The following GNL2 variants were observed in gnomAD, a reference collection of about 807,000 sequenced individuals.
GNL2 encodes G protein nucleolar 2.
A neutral mutation model predicts 92.3 loss-of-function variants in GNL2; 51 were observed. That is an observed-to-expected ratio of 0.55 (90% confidence interval 0.44 to 0.70). GNL2 has a LOEUF of 0.70. Ranked by LOEUF, GNL2 falls within the 30% of genes least tolerant of loss-of-function variation. The probability of loss-of-function intolerance (pLI) is 0.00; values close to 1 mark genes in which losing one functional copy is unlikely to be tolerated. For missense variants in GNL2, 844 were observed against 895.6 expected, an observed-to-expected ratio of 0.94 and a Z score of 0.74; for synonymous variants, 283 against 300.6, an observed-to-expected ratio of 0.94 and a Z score of 0.61.
In GNL2 at chr1:37,568,930, T is replaced by C. The variant is rs1392358272; in HGVS notation, c.1789A>G (p.Ile597Val). The C allele has an allele frequency of 1.9e-6, 3 of 1,614,244 alleles. No homozygotes were observed. Among genetic ancestry groups the C allele is most frequent in the East Asian group, 2.2e-5 (1 of 44,890 alleles). The change falls in exon 13 of 16, where the codon ATT (isoleucine) becomes GTT (valine). Residue 597 changes from isoleucine to valine, a missense_variant. Transcript: ENST00000373062. Reference sequence around the variant, plus strand: ...GCAATCTTCTCATCCAGTGCTTTAATAACGGCTTTGGTGTCGTTTCCCACA... The same window carrying C: ...GCAATCTTCTCATCCAGTGCTTTAACAACGGCTTTGGTGTCGTTTCCCACA... ...ENVGNDTKAVIKALDEKIAKY... is the reference protein window; with the variant it reads ...ENVGNDTKAVVKALDEKIAKY...
Position 37,582,838 on chromosome 1 carries a change from T to A in GNL2, c.735A>T (p.Lys245Asn), listed in dbSNP as rs1303669933. 6.2e-7 allele frequency: 1 copy of A among 1,613,734 alleles called. No individual in the cohort carries two copies. The highest frequency in any genetic ancestry group is 1.1e-5 in the South Asian group (1 of 91,060). The part of the protein sequence containing the change: ...PHIETYLKKE[K>N]PWKHLIFVLN... ...GTACAAAAATGAGGTGTTTCCAAGG[T>A]TTTTCCTTCTTCAGGTAAGTTTCAA... Residue 245 changes from lysine (K) to asparagine (N), a missense_variant, in exon 7 of 16, where the codon AAA (lysine) becomes AAT (asparagine). Transcript: ENST00000373062.
At position 37,566,975 on chromosome 1, in the gene GNL2, T is replaced by C. The variant is rs770605171; in HGVS notation, c.2076A>G (p.Lys692=). ...RRRAVRQQRP[K]KVGVRYYETH... The stretch of plus-strand genomic sequence containing the variant: ...TTTCATAGTAGCGCACACCAACTTT[T>C]TTCGGCCGTTGCTGTCGTACTGCTC... The change falls in exon 16 of 16, where the codon AAA becomes AAG. Residue 692 remains lysine, a synonymous_variant. Coordinates refer to ENST00000373062, the MANE Select transcript of GNL2 (RefSeq NM_013285.3). The C allele has an allele frequency of 1.2e-6, 2 of 1,614,126 alleles. No homozygotes were observed. Among genetic ancestry groups the C allele is most frequent in the Non-Finnish European group, 8.5e-7 (1 of 1,180,002 alleles).
chr1:37,582,262 G>A lies in GNL2; in HGVS notation c.870C>T (p.Gly290=), dbSNP rs1194019321. 1 of 1,612,718 alleles carries A rather than the reference G, an allele frequency of 6.2e-7. No homozygotes were observed. Among genetic ancestry groups the A allele is most frequent in the African/African-American group, 1.3e-5 (1 of 74,870 alleles). ...GCAGAAGCTGAATGAATGCTCCCTT[G>A]CCAAACGGGTTAGTAAGGCTTGCAT... is the stretch of plus-strand genomic sequence containing the variant. ...AFHASLTNPF[G]KGAFIQLLRQ... Residue 290 remains glycine (G), a synonymous_variant, in exon 8 of 16, where the codon GGC becomes GGT. Coordinates refer to ENST00000373062, the MANE Select transcript of GNL2 (RefSeq NM_013285.3).
intron 6 of GNL2, chr1:37,583,184 C>T (rs1315990967): frequency 3.3e-6 from 1 of 304,184 alleles, no homozygotes; most frequent in Non-Finnish European, 6.0e-6. Context: ...CAACTTATTT[C>T]CTAACTACTA....
intron 6 of GNL2, 104 bp downstream of exon 6, chr1:37,583,763 T>C: frequency 1.3e-6 from 1 of 750,202 alleles, no homozygotes; most frequent in Middle Eastern, 2.4e-4. Flanking sequence ...CAGTGGTGCC[T>C]GTACTCTGCG....
chr1:37,580,808 G>A (rs1377328959), intron 8 of GNL2, among the ~76,000 whole-genome samples: 5 of 152,164 alleles, frequency 3.3e-5, no homozygotes, highest in East Asian at 3.9e-4. Flanking sequence ...TAACACTAGC[G>A]AAAATAAAAG....
intron 1 of GNL2, among the ~76,000 whole-genome samples, chr1:37,594,988 C>T (rs959943215): frequency 6.6e-6 from 1 of 152,220 alleles, no homozygotes; most frequent in Non-Finnish European, 1.5e-5. Context: ...TATGACAGGC[C>T]ACTTCCTGTA....
At chr1:37,587,517 A>C (rs1557644125) in intron 4 of GNL2, 22 bp from the exon 5 acceptor site, 4 of 1,531,250 alleles carry the variant, frequency 2.6e-6, no homozygotes, top group Non-Finnish European at 3.6e-6. Flanking sequence ...GGAGAATAAC[A>C]GGTAAAACTA....
intron 3 of GNL2, among the ~76,000 whole-genome samples, 175 bp downstream of exon 3, chr1:37,592,537 T>C (rs1416743089): frequency 6.6e-6 from 1 of 152,208 alleles, no homozygotes; most frequent in Non-Finnish European, 1.5e-5. Flanking sequence ...CAAAAAGAAG[T>C]TATTTATTAA....
chr1:37,579,580 A>G (rs958938230), intron 8 of GNL2, among the ~76,000 whole-genome samples: 9 of 150,682 alleles, frequency 6.0e-5, no homozygotes, highest in African/African-American at 1.7e-4. Context: ...AAAATAGAGG[A>G]AAATGTCATA....
chr1:37,574,435 TCTGCAA>T lies in GNL2; in HGVS notation c.1318_1323del (p.Leu440_Gln441del), dbSNP rs1280253066. 1 of 1,614,020 alleles carries T rather than the reference TCTGCAA, an allele frequency of 6.2e-7. No homozygotes were observed. The highest frequency in any genetic ancestry group is 2.2e-5 in the East Asian group (1 of 44,876). On this transcript the variant is annotated inframe_deletion, in exon 12 of 16. Transcript: ENST00000373062. The stretch of plus-strand genomic sequence containing the variant: ...TCATTGAGGACCATCTTACCCACAG[TCTGCAA>T]GTCGGGCTCTCCACCCTGAAAGGTC...
intron 12 of GNL2, among the ~76,000 whole-genome samples, chr1:37,571,956 G>C (rs1643600883): frequency 6.6e-6 from 1 of 151,620 alleles, no homozygotes; most frequent in African/African-American, 2.4e-5. Context: ...CGACATTCCA[G>C]CCACAGTGAC....
intron 6 of GNL2, among the ~76,000 whole-genome samples, chr1:37,583,660 A>G (rs984630594): frequency 4.6e-5 from 7 of 152,216 alleles, no homozygotes; most frequent in African/African-American, 1.7e-4. Flanking sequence ...GATAGCTGTT[A>G]CTCTTATACA....
chr1:37,589,780 A>C (rs566404145), intron 4 of GNL2, among the ~76,000 whole-genome samples: 1 of 152,328 alleles, frequency 6.6e-6, no homozygotes, highest in South Asian at 2.1e-4. Flanking sequence ...CTCAACCCAG[A>C]TTGAATCCTT....
At chr1:37,592,850 G>T in intron 2 of GNL2, 44 bp from the exon 3 acceptor site, 1 of 1,070,032 alleles carries the variant, frequency 9.3e-7, no homozygotes, top group South Asian at 1.3e-5. Context: ...ACAGAAAAAT[G>T]GCAACAGCGA....
At position 37,568,364 on chromosome 1, in the gene GNL2, CAG is replaced by C; in HGVS notation, c.1869-9_1869-8del. ...ACTCAGTCCCTTGGATATTCTGAAACAGAAAAGCAAAGTAACATTCCTCCTCT... is the reference window on the plus strand; with the variant it reads ...ACTCAGTCCCTTGGATATTCTGAAACAAAAGCAAAGTAACATTCCTCCTCT... On this transcript the variant is annotated splice_region_variant and splice_polypyrimidine_tract_variant and intron_variant, in intron 13 of 15. Coordinates refer to ENST00000373062, the MANE Select transcript of GNL2 (RefSeq NM_013285.3). 6.3e-7 allele frequency: 1 copy of C among 1,590,538 alleles called. No homozygotes were observed. Among genetic ancestry groups the C allele is most frequent in the Non-Finnish European group, 8.6e-7 (1 of 1,158,674 alleles).
At chr1:37,588,485 C>T (rs1042835519) in intron 4 of GNL2, among the ~76,000 whole-genome samples, 2 of 152,134 alleles carry the variant, frequency 1.3e-5, no homozygotes, top group African/African-American at 2.4e-5. Flanking sequence ...ACGTTCCACT[C>T]GGGAGCATCT....
chr1:37,572,823 G>A (rs1412917741), intron 12 of GNL2, among the ~76,000 whole-genome samples: 1 of 152,218 alleles, frequency 6.6e-6, no homozygotes, highest in Non-Finnish European at 1.5e-5. Context: ...ATCTGAAGCA[G>A]GGGACCTAGT....
intron 5 of GNL2, among the ~76,000 whole-genome samples, chr1:37,586,626 G>A (rs1292088067): frequency 1.3e-5 from 2 of 152,188 alleles, no homozygotes; most frequent in African/African-American, 4.8e-5. Flanking sequence ...AGGAAGCCCC[G>A]ATATTCACAG....
Sources: allele counts gnomAD v4.1 joint callset (sites outside exome capture counted in the v4.1 genomes callset), GRCh38; gene constraint gnomAD v4.1.1; transcripts MANE v1.5; gene names NCBI Gene and HGNC (gene_info 2026-07-23, HGNC 2026-07-21).